Variants in GOLGA4 observed in about 807,000 individuals in gnomAD.
The protein encoded by GOLGA4 is golgin A4, also known as golgin subfamily A member 4.
A neutral mutation model predicts 265.9 loss-of-function variants in GOLGA4; 169 were observed. The observed-to-expected ratio is 0.64, with a 90% CI of 0.56 to 0.72. The LOEUF (loss-of-function observed/expected upper bound fraction) is 0.72. GOLGA4 is among the 30% of genes least tolerant of loss of function. The probability of loss-of-function intolerance (pLI) is 0.00; values close to 1 mark genes in which losing one functional copy is unlikely to be tolerated. For synonymous variants in GOLGA4, 923 were observed against 855.8 expected (o/e 1.08, Z -1.37); for missense variants, 2,482 against 2,483.4 (o/e 1.00, Z 0.01).
At chr3:37,295,365 T>A (rs1230788428) in intron 6 of GOLGA4, among the ~76,000 whole-genome samples, 1 of 152,122 alleles carries the variant, frequency 6.6e-6, no homozygotes, top group Non-Finnish European at 1.5e-5. Context: ...AATACAGGCA[T>A]ATGCCACCAC....
chr3:37,337,179 C>CT lies in GOLGA4; in HGVS notation c.6327+29dup, dbSNP rs756259334. The CT allele has an allele frequency of 0.17, 163,948 of 963,066 alleles. 295 individuals are homozygous for CT. The highest frequency in any genetic ancestry group is 0.21 in the South Asian group (11,756 of 55,508). The allele number at this position is 963,066 out of a possible 1,614,324, so 59.7% of individuals were successfully genotyped here. A position where few individuals can be genotyped will look rare whatever the true frequency, so the allele number is the denominator to read the frequency against. ...GGAGCTACAGGTAAGGCTAGTTCTT[C>CT]TTTTTTTTTTTTTCTTTTTTTTCTT... On this transcript the variant is annotated intron_variant, in intron 18 of 23. Transcript: ENST00000361924.
chr3:37,281,934 C>T (rs139421878), intron 2 of GOLGA4, 24 bp from the exon 3 acceptor site: 9 of 1,562,376 alleles, frequency 5.8e-6, no homozygotes, highest in Non-Finnish European at 7.9e-6. Flanking sequence ...TTAATCCACA[C>T]ATTCTGTTGG....
intron 16 of GOLGA4, 68 bp from the exon 17 acceptor site, chr3:37,334,985 T>A: frequency 1.1e-6 from 1 of 933,170 alleles, no homozygotes; most frequent in East Asian, 2.6e-5. Context: ...AGTGCTTTTT[T>A]GATGTGTTTG....
intron 2 of GOLGA4, among the ~76,000 whole-genome samples, chr3:37,279,622 AGAGGCC>A (rs2096829238): frequency 6.6e-6 from 1 of 152,142 alleles, no homozygotes; most frequent in South Asian, 2.1e-4. Flanking sequence ...AAAGTCCTGC[AGAGGCC>A]CAGCGTGTTG....
chr3:37,281,869 A>C, intron 2 of GOLGA4, 89 bp from the exon 3 acceptor site: 1 of 906,186 alleles, frequency 1.1e-6, no homozygotes, highest in East Asian at 2.4e-5. Flanking sequence ...ACTTGTTAGA[A>C]CTTTTATTAG....
chr3:37,323,660 G>A lies in GOLGA4; in HGVS notation c.1774G>A (p.Val592Ile). ...CAAAAATCAGTCAAAAGATTTGGCT[G>A]TTCATCTGGAAGCTGAAAAAAATAA... is the stretch of plus-strand genomic sequence containing the variant. ...ENKNQSKDLA[V>I]HLEAEKNKHN... The change falls in exon 14 of 24, where the codon GTT (valine) becomes ATT (isoleucine). Residue 592 changes from valine (V) to isoleucine (I), a missense_variant. Around this residue, in one of 3 missense-constraint regions of GOLGA4, gnomAD observed 1,536 missense variants for 1,483.7 expected, o/e 1.04. Transcript: ENST00000361924. 1.3e-6 allele frequency: 2 copies of A among 1,594,174 alleles called. No individual in the cohort carries two copies. The highest frequency in any genetic ancestry group is 1.7e-6 in the Non-Finnish European group (2 of 1,174,302).
chr3:37,276,137 G>A (rs2096817664), intron 2 of GOLGA4: 17 of 1,607,822 alleles, frequency 1.1e-5, no homozygotes, highest in Non-Finnish European at 1.4e-5. Context: ...GGAGATGCTT[G>A]CTGCAGCTCT....
intron 3 of GOLGA4, among the ~76,000 whole-genome samples, chr3:37,284,226 C>G (rs2096842129): frequency 6.6e-6 from 1 of 152,124 alleles, no homozygotes; most frequent in Non-Finnish European, 1.5e-5. Context: ...GATACATGTT[C>G]AGGATGTGCA....
intron 2 of GOLGA4, among the ~76,000 whole-genome samples, chr3:37,270,864 T>C (rs367558690): frequency 2.0e-4 from 31 of 152,030 alleles, no homozygotes; most frequent in African/African-American, 7.3e-4. Context: ...TATTACATTG[T>C]AATACGTAAT....
intron 3 of GOLGA4, among the ~76,000 whole-genome samples, chr3:37,284,083 C>G (rs2096841744): frequency 6.6e-6 from 1 of 152,136 alleles, no homozygotes; most frequent in Non-Finnish European, 1.5e-5. Flanking sequence ...TTGTCTCTAC[C>G]TCTCTCTGGC....
Position 37,327,655 on chromosome 3 carries a change from C to G in GOLGA4, c.5769C>G (p.Ala1923=), listed in dbSNP as rs144843512. 2.3e-3 allele frequency: 3,655 copies of G among 1,613,838 alleles called. 8 individuals are homozygous for G. The highest frequency in any genetic ancestry group is 2.9e-3 in the Non-Finnish European group (3,450 of 1,179,852). The change falls in exon 14 of 24, where the codon GCC becomes GCG. Residue 1923 remains alanine (A), a synonymous_variant. Transcript: ENST00000361924. ...CCAAATTGCTTAGTAACATGGAAGCCCAGCACAATGATCTGGAGTTTAAAT... is the reference window on the plus strand; with the variant it reads ...CCAAATTGCTTAGTAACATGGAAGCGCAGCACAATGATCTGGAGTTTAAAT... ...VQPKLLSNME[A]QHNDLEFKLA... is the part of the protein sequence containing the mutation.
chr3:37,261,073 A>G (rs1467660407), intron 2 of GOLGA4, among the ~76,000 whole-genome samples: 1 of 151,774 alleles, frequency 6.6e-6, no homozygotes, highest in Non-Finnish European at 1.5e-5. Flanking sequence ...TAAGAGGCTT[A>G]AGTAGGAAGA....
At chr3:37,284,925 A>G (rs1483670943) in intron 3 of GOLGA4, among the ~76,000 whole-genome samples, 2 of 152,034 alleles carry the variant, frequency 1.3e-5, no homozygotes, top group Non-Finnish European at 2.9e-5. Flanking sequence ...CTGGCCTCCC[A>G]AAGTGCTGGG....
chr3:37,281,560 A>C (rs2096834667), intron 2 of GOLGA4, among the ~76,000 whole-genome samples: 1 of 152,212 alleles, frequency 6.6e-6, no homozygotes, highest in African/African-American at 2.4e-5. Flanking sequence ...GACACTGGGT[A>C]TGCACTGTTA....
intron 23 of GOLGA4, among the ~76,000 whole-genome samples, chr3:37,364,198 CAT>C (rs1696566980): frequency 6.6e-6 from 1 of 151,968 alleles, no homozygotes; most frequent in African/African-American, 2.4e-5. Flanking sequence ...ATTTTAAACT[CAT>C]ATCTTGATGT....
intron 10 of GOLGA4, among the ~76,000 whole-genome samples, chr3:37,304,346 T>C (rs987233122): frequency 4.6e-5 from 7 of 152,248 alleles, no homozygotes; most frequent in African/African-American, 7.2e-5. Context: ...CTTGGACTTA[T>C]TTTATGGATA....
At chr3:37,317,358 T>TG (rs1462717287) in intron 11 of GOLGA4, among the ~76,000 whole-genome samples, 16 of 152,142 alleles carry the variant, frequency 1.1e-4, no homozygotes, top group Admixed American at 2.0e-4. Flanking sequence ...TTAGTAGAGA[T>TG]GGGGTTTCTC....
chr3:37,323,583 A>G lies in GOLGA4; in HGVS notation c.1702-5A>G. ...AATAAAAATGCATCTGTTTTTAATT[A>G]ACAGAGAATTCTTGAATTGGAAAGT... On this transcript the variant is annotated splice_region_variant and splice_polypyrimidine_tract_variant and intron_variant, in intron 13 of 23. Transcript: ENST00000361924. 1 of 1,525,900 alleles carries G rather than the reference A, an allele frequency of 6.6e-7. No homozygotes were observed. The highest frequency in any genetic ancestry group is 8.8e-7 in the Non-Finnish European group (1 of 1,133,878). 94.5% of individuals were successfully genotyped at this position (1,525,900 alleles called of 1,614,324 possible). A position where few individuals can be genotyped will look rare whatever the true frequency, so the allele number is the denominator to read the frequency against.
chr3:37,300,172 C>T (rs2096889032), intron 9 of GOLGA4, among the ~76,000 whole-genome samples: 1 of 152,080 alleles, frequency 6.6e-6, no homozygotes, highest in Non-Finnish European at 1.5e-5. Context: ...TGAGTCTTAC[C>T]TTTGGTAGTT....
Sources: gnomAD v4.1 joint callset for allele counts (sites outside exome capture counted in the v4.1 genomes callset) on GRCh38, gnomAD v4.1.1 for gene constraint, gnomAD v4.1.1 regional missense constraint, MANE v1.5 for transcripts, NCBI Gene and HGNC (gene_info 2026-07-23, HGNC 2026-07-21) for gene names.